ZNF468: variants seen among roughly 807,000 people sequenced by gnomAD.
ZNF468 encodes the protein zinc finger protein 468.
A neutral mutation model predicts 7.2 loss-of-function variants in ZNF468; 8 were observed. The ratio of observed to expected loss-of-function variants is 1.11; its 90% CI spans 0.65 to 2.01. The LOEUF is 2.01. ZNF468 is among the 30% of genes most tolerant of loss of function. The pLI, the probability that ZNF468 is intolerant of heterozygous loss-of-function variation, is 0.00. For missense variants in ZNF468, 608 were observed against 626.5 expected (o/e 0.97, Z 0.31); for synonymous variants, 218 against 214.4 (o/e 1.02, Z -0.15).
At chr19:52,856,870 T>G (rs1163818152) in intron 1 of ZNF468, among the ~76,000 whole-genome samples, 1 of 152,146 alleles carries the variant, frequency 6.6e-6, no homozygotes, top group Admixed American at 6.6e-5. Context: ...TGTCTCAGGT[T>G]TTCTACTGCT....
At position 52,839,439 on chromosome 19, in the gene ZNF468, G is replaced by A; in HGVS notation, c.*1286C>T. The A allele has an allele frequency of 2.5e-6, 1 of 402,100 alleles. No homozygotes were observed. The highest frequency in any genetic ancestry group is 5.0e-6 in the Non-Finnish European group (1 of 200,478). 24.9% of individuals were successfully genotyped at this position (402,100 alleles called of 1,614,324 possible). A position where few individuals can be genotyped will look rare whatever the true frequency, so the allele number is the denominator to read the frequency against. On this transcript the variant is annotated 3_prime_UTR_variant, in exon 4 of 4. Transcript: ENST00000595646. ...CATAAACAGTTTAATGGCAATTAAT[G>A]CTTGAAATCAATGTTAAATCAACAA...
chr19:52,851,068 T>A (rs1005212859), intron 2 of ZNF468, among the ~76,000 whole-genome samples: 3 of 151,320 alleles, frequency 2.0e-5, no homozygotes, highest in African/African-American at 7.3e-5. Context: ...AGGTCGGGAG[T>A]TCAAGACCAG....
At chr19:52,855,695 T>A (rs2063431835) in intron 1 of ZNF468, among the ~76,000 whole-genome samples, 1 of 152,170 alleles carries the variant, frequency 6.6e-6, no homozygotes, top group African/African-American at 2.4e-5. Context: ...TGCTTTTTTT[T>A]TTTTCATTTT....
Position 52,849,198 on chromosome 19 carries a change from T to C in ZNF468, c.31A>G (p.Arg11Gly). ...TGAGAGAATTCTATGGCCACGTCCC[T>C]GAATGTCAATAGACCCTGAAATGAA... MALPQGLLTF[R>G]DVAIEFSQEE... The change falls in exon 3 of 4, where the codon AGG becomes GGG. Residue 11 changes from arginine to glycine, a missense_variant. Arg to Gly is a moderately radical substitution (Grantham distance 125, BLOSUM62 -2). Coordinates refer to ENST00000595646, the MANE Select transcript of ZNF468 (RefSeq NM_001008801.2). 5.6e-6 allele frequency: 9 copies of C among 1,613,828 alleles called. No individual in the cohort carries two copies. Among genetic ancestry groups the C allele is most frequent in the Non-Finnish European group, 7.6e-6 (9 of 1,179,842 alleles).
intron 3 of ZNF468, among the ~76,000 whole-genome samples, chr19:52,847,101 G>C (rs1041712883): frequency 1.6e-4 from 25 of 152,110 alleles, no homozygotes; most frequent in African/African-American, 5.3e-4. Flanking sequence ...ATGTAGAAAA[G>C]GAAGACATAA....
intron 2 of ZNF468, chr19:52,854,006 C>A (rs1445926948): frequency 2.0e-5 from 30 of 1,488,400 alleles, no homozygotes; most frequent in Middle Eastern, 2.4e-4. Flanking sequence ...ACCACAGGAC[C>A]CTCACCCCGT....
chr19:52,850,038 C>T (rs1487176532), intron 2 of ZNF468, among the ~76,000 whole-genome samples: 1 of 151,910 alleles, frequency 6.6e-6, no homozygotes, highest in African/African-American at 2.4e-5. Context: ...TGTCATTTGT[C>T]CCAGATTTTC....
In ZNF468 at chr19:52,841,200, T is replaced by C. The variant is rs199752990; in HGVS notation, c.1094A>G (p.Asn365Ser). 1.1e-5 allele frequency: 18 copies of C among 1,612,934 alleles called. No individual in the cohort carries two copies. The highest frequency in any genetic ancestry group is 1.4e-5 in the Non-Finnish European group (16 of 1,179,366). Residue 365 changes from asparagine to serine, a missense_variant, in exon 4 of 4, where the codon AAT (asparagine) becomes AGT (serine). Asn to Ser is a conservative substitution (Grantham distance 46). Coordinates refer to ENST00000595646, the MANE Select transcript of ZNF468 (RefSeq NM_001008801.2). Reference protein sequence around the residue: ...YTCNECGKVFNRLSTLARHHR... With the variant: ...YTCNECGKVFSRLSTLARHHR... ...ATGGCGTGCAAGGGTTGATAGTCGA[T>C]TAAAAACTTTGCCACATTCATTACA... is the stretch of plus-strand genomic sequence containing the variant.
At chr19:52,844,888 G>A (rs1843657989) in intron 3 of ZNF468, among the ~76,000 whole-genome samples, 1 of 152,060 alleles carries the variant, frequency 6.6e-6, no homozygotes, top group Admixed American at 6.6e-5. Context: ...ACAGGAACAG[G>A]AGCATCTCAT....
chr19:52,852,026 G>C (rs1293827659), intron 2 of ZNF468, among the ~76,000 whole-genome samples: 22 of 151,994 alleles, frequency 1.4e-4, no homozygotes, highest in Non-Finnish European at 3.2e-4. Context: ...TCTCGCCTTG[G>C]GGGAAAGGAT....
At position 52,839,882 on chromosome 19, in the gene ZNF468, C is replaced by T. The variant is rs1475691962; in HGVS notation, c.*843G>A. 4 of 768,386 alleles carry T rather than the reference C, an allele frequency of 5.2e-6. No homozygotes were observed. Among genetic ancestry groups the T allele is most frequent in the Non-Finnish European group, 8.3e-6 (4 of 484,550 alleles). The allele number at this position is 768,386 out of a possible 1,614,324, so 47.6% of individuals were successfully genotyped here. A position where few individuals can be genotyped will look rare whatever the true frequency, so the allele number is the denominator to read the frequency against. ...ATTTATTACACTTGTAAGATCTCTT[C>T]ACTGTGGATTCTCCAATGATGTGCA... is the stretch of plus-strand genomic sequence containing the variant. On this transcript the variant is annotated 3_prime_UTR_variant, in exon 4 of 4. Coordinates refer to ENST00000595646, the MANE Select transcript of ZNF468 (RefSeq NM_001008801.2).
At chr19:52,854,921 C>A (rs2063423683) in intron 1 of ZNF468, among the ~76,000 whole-genome samples, 1 of 152,184 alleles carries the variant, frequency 6.6e-6, no homozygotes, top group Admixed American at 6.5e-5. Flanking sequence ...ACTCGGGAGG[C>A]TGAGGTAGGA....
At chr19:52,848,986 G>C in intron 3 of ZNF468, 101 bp downstream of exon 3, 3 of 1,088,688 alleles carry the variant, frequency 2.8e-6, no homozygotes, top group Middle Eastern at 2.3e-4. Flanking sequence ...AAATCAATAT[G>C]GCTTCCATTT....
rs1568671805 is a variant in ZNF468 at position 52,839,689 on chromosome 19, A to G, written c.*1036T>C. The stretch of plus-strand genomic sequence containing the variant: ...GAATGTGAAGTAAACGCTTTGCCAC[A>G]ATCATCACACTTGTGAGGTTTCTCT... On this transcript the variant is annotated 3_prime_UTR_variant, in exon 4 of 4. Transcript: ENST00000595646. 8 of 543,194 alleles carry G rather than the reference A, an allele frequency of 1.5e-5. No individual in the cohort carries two copies. Among genetic ancestry groups the G allele is most frequent in the Non-Finnish European group, 2.2e-5 (6 of 268,234 alleles). The allele number at this position is 543,194 out of a possible 1,614,324, so 33.6% of individuals were successfully genotyped here. A position where few individuals can be genotyped will look rare whatever the true frequency, so the allele number is the denominator to read the frequency against.
intron 2 of ZNF468, among the ~76,000 whole-genome samples, chr19:52,849,831 G>A (rs1421188815): frequency 6.6e-6 from 1 of 151,898 alleles, no homozygotes; most frequent in Non-Finnish European, 1.5e-5. Context: ...TTGACCCTGA[G>A]GGTGGAGGTT....
Position 52,849,154 on chromosome 19 carries a change from C to T in ZNF468, c.75G>A (p.Leu25=). Residue 25 remains leucine, a synonymous_variant, in exon 3 of 4, where the codon CTG becomes CTA. Transcript: ENST00000595646. The stretch of plus-strand genomic sequence containing the variant: ...TGTATAAAGTCCTCTGAGCAGGGTC[C>T]AGGCATTTCCACTCCTCCTGAGAGA... ...IEFSQEEWKC[L]DPAQRTLYRD... 1 of 1,613,972 alleles carries T rather than the reference C, an allele frequency of 6.2e-7. No homozygotes were observed. Among genetic ancestry groups the T allele is most frequent in the African/African-American group, 1.3e-5 (1 of 75,038 alleles).
intron 2 of ZNF468, 21 bp from the exon 3 acceptor site, chr19:52,849,234 A>T (rs745714282): frequency 6.2e-7 from 1 of 1,613,362 alleles, no homozygotes; most frequent in Non-Finnish European, 8.5e-7. Flanking sequence ...AACACATTTT[A>T]ACCAAATGGT....
chr19:52,857,055 G>A (rs966793722), intron 1 of ZNF468, among the ~76,000 whole-genome samples: 3 of 151,662 alleles, frequency 2.0e-5, no homozygotes, highest in Non-Finnish European at 4.4e-5. Flanking sequence ...AGGGCTCAGG[G>A]GACGCGGTGA....
At chr19:52,857,145 G>A (rs2063447549) in intron 1 of ZNF468, among the ~76,000 whole-genome samples, 1 of 151,844 alleles carries the variant, frequency 6.6e-6, no homozygotes, top group Non-Finnish European at 1.5e-5. Flanking sequence ...CTTCGGACAA[G>A]GGTGGGATCC....
Sources: allele counts gnomAD v4.1 joint callset (sites outside exome capture counted in the v4.1 genomes callset), GRCh38; gene constraint gnomAD v4.1.1; transcripts MANE v1.5; gene names NCBI Gene and HGNC (gene_info 2026-07-23, HGNC 2026-07-21).